Variants in IPO9 observed in about 807,000 individuals in gnomAD.
IPO9 encodes importin-9.
In IPO9, 28 loss-of-function variants were observed where a neutral mutation model predicts 128.6. That is an observed-to-expected ratio of 0.22 (90% CI 0.16 to 0.30). The LOEUF is 0.30. Among genes scored for constraint, IPO9 ranks in the 10% least tolerant of loss-of-function variants. The pLI, the probability that IPO9 is intolerant of heterozygous loss-of-function variation, is 1.00. For synonymous variants in IPO9, 455 were observed against 475.8 expected, an observed-to-expected ratio of 0.96 and a Z score of 0.57; for missense variants, 935 against 1,293.9, an observed-to-expected ratio of 0.72 and a Z score of 4.26.
chr1:201,844,823 A>G (rs16849387), intron 1 of IPO9, among the ~76,000 whole-genome samples: 32,025 of 152,162 alleles, frequency 0.21, 3,508 homozygotes, highest in South Asian at 0.26. Context: ...CTATTTCAGT[A>G]GAATCCAATT....
Position 201,852,205 on chromosome 1 carries a change from A to G in IPO9, c.603+13A>G. ...CACCATGGCTGAGGTATGAAATCTC[A>G]GCTCCAAGATTATAGTGAGTTCAGG... On this transcript the variant is annotated intron_variant, in intron 5 of 23. Transcript: ENST00000361565. 1.9e-6 allele frequency: 3 copies of G among 1,556,556 alleles called. No homozygotes were observed. Among genetic ancestry groups the G allele is most frequent in the Non-Finnish European group, 2.7e-6 (3 of 1,128,224 alleles).
intron 1 of IPO9, among the ~76,000 whole-genome samples, chr1:201,838,975 A>G (rs1679988315): frequency 6.7e-6 from 1 of 150,268 alleles, no homozygotes; most frequent in South Asian, 2.1e-4. Context: ...GCTGGAGTGC[A>G]GTGGCATGAT....
intron 8 of IPO9, 68 bp from the exon 9 acceptor site, chr1:201,855,056 T>G: frequency 1.5e-6 from 2 of 1,300,186 alleles, no homozygotes; most frequent in South Asian, 2.5e-5. Context: ...TGTTGGAATA[T>G]GTAACATTTC....
At chr1:201,856,168 A>G (rs1164318789) in intron 10 of IPO9, among the ~76,000 whole-genome samples, 5 of 129,920 alleles carry the variant, frequency 3.8e-5, no homozygotes. Flanking sequence ...GTACTATACT[A>G]TGTTGCCCAG....
chr1:201,869,848 A>T, intron 17 of IPO9, 130 bp downstream of exon 17: 1 of 1,185,504 alleles, frequency 8.4e-7, no homozygotes, highest in East Asian at 2.6e-5. Context: ...TACTTAGCAG[A>T]TTCAGGAAGG....
chr1:201,834,636 A>G (rs1679892709), intron 1 of IPO9, among the ~76,000 whole-genome samples: 1 of 152,178 alleles, frequency 6.6e-6, no homozygotes, highest in Admixed American at 6.5e-5. Flanking sequence ...TTTCTTACAT[A>G]ACTAGATTTA....
chr1:201,844,231 T>G (rs1680089145), intron 1 of IPO9, among the ~76,000 whole-genome samples: 1 of 152,192 alleles, frequency 6.6e-6, no homozygotes, highest in African/African-American at 2.4e-5. Flanking sequence ...AATAAAATTT[T>G]TATCAACATT....
intron 1 of IPO9, among the ~76,000 whole-genome samples, chr1:201,840,278 C>T (rs1037612019): frequency 6.6e-6 from 1 of 152,138 alleles, no homozygotes; most frequent in Non-Finnish European, 1.5e-5. Context: ...ACCATGTTGC[C>T]CAAGCTGGCC....
chr1:201,874,351 A>C lies in IPO9; in HGVS notation c.2812A>C (p.Thr938Pro). 1 of 1,613,722 alleles carries C rather than the reference A, an allele frequency of 6.2e-7. No homozygotes were observed. Among genetic ancestry groups the C allele is most frequent in the Non-Finnish European group, 8.5e-7 (1 of 1,179,874 alleles). Residue 938 changes from threonine to proline, a missense_variant, in exon 21 of 24, where the codon ACT (threonine) becomes CCT (proline). Thr to Pro is a conservative substitution (Grantham distance 38). Coordinates refer to ENST00000361565, the MANE Select transcript of IPO9 (RefSeq NM_018085.5). The part of the protein sequence containing the change: ...VMEANAARQA[T>P]PAEWSQDDSN... ...GGAGGCTAATGCCGCTCGCCAGGCC[A>C]CTCCTGCAGAGTGGAGTCAAGGTGC...
chr1:201,856,129 C>CT (rs35980892), intron 10 of IPO9, among the ~76,000 whole-genome samples, 195 bp downstream of exon 10: 29,594 of 123,054 alleles, frequency 0.24, 3,851 homozygotes, highest in African/African-American at 0.32. Flanking sequence ...CCATACCTGG[C>CT]TTTTTTTTTT....
rs1365830538 is a variant in IPO9, at chr1:201,866,737, T to A, written c.1633T>A (p.Cys545Ser). Reference sequence around the variant, plus strand: ...TGCTTATCTATCTCTCTCTAGTTATTGTGACCAACTGAAAGTCTCAGAGAG... The same window carrying A: ...TGCTTATCTATCTCTCTCTAGTTATAGTGACCAACTGAAAGTCTCAGAGAG... Reference protein sequence around the residue: ...ISAVRAIWGYCDQLKVSESTH... With the variant: ...ISAVRAIWGYSDQLKVSESTH... Residue 545 changes from cysteine to serine, a missense_variant, in exon 15 of 24, where the codon TGT becomes AGT. By Grantham distance (112) the Cys-to-Ser change is moderately radical (BLOSUM62 -1). Transcript: ENST00000361565. 3 of 1,612,720 alleles carry A rather than the reference T, an allele frequency of 1.9e-6. No homozygotes were observed. Among genetic ancestry groups the A allele is most frequent in the Non-Finnish European group, 1.7e-6 (2 of 1,178,712 alleles).
intron 1 of IPO9, among the ~76,000 whole-genome samples, chr1:201,839,833 A>T (rs969901940): frequency 1.3e-5 from 2 of 152,134 alleles, no homozygotes; most frequent in African/African-American, 2.4e-5. Flanking sequence ...ATTTTTTTAC[A>T]ATTTACATGG....
rs1218184669 is a variant in IPO9 at position 201,863,545 on chromosome 1, T to C, written c.1566T>C (p.Val522=). Reference sequence around the variant, plus strand: ...TCCAGCAGTTCCTACAGGCAACAGTTAGTGGTCTTCACGAGACACAGCCCC... The same window carrying C: ...TCCAGCAGTTCCTACAGGCAACAGTCAGTGGTCTTCACGAGACACAGCCCC... The part of the protein sequence containing the change: ...ELIQQFLQAT[V]SGLHETQPPS... The change falls in exon 14 of 24, where the codon GTT becomes GTC. Residue 522 remains valine, a synonymous_variant. Transcript: ENST00000361565. The C allele has an allele frequency of 1.9e-6, 3 of 1,607,242 alleles. No homozygotes were observed. The highest frequency in any genetic ancestry group is 2.6e-6 in the Non-Finnish European group (3 of 1,174,334).
At chr1:201,843,845 A>T (rs1458772874) in intron 1 of IPO9, among the ~76,000 whole-genome samples, 1 of 149,668 alleles carries the variant, frequency 6.7e-6, no homozygotes, top group Non-Finnish European at 1.5e-5. Flanking sequence ...AAAAAAAAAA[A>T]GATATTCTTA....
chr1:201,855,854 A>G lies in IPO9; in HGVS notation c.1042A>G (p.Lys348Glu), dbSNP rs1159803737. ...EFVHALLENS[K>E]FKSTVKKALP... ...TGTCCATGCTCTACTAGAAAATAGCAAATTCAAAAGCACTGTTAAGAAAGC... is the reference window on the plus strand; with the variant it reads ...TGTCCATGCTCTACTAGAAAATAGCGAATTCAAAAGCACTGTTAAGAAAGC... The change falls in exon 10 of 24, where the codon AAA becomes GAA. Residue 348 changes from lysine to glutamate, a missense_variant. Transcript: ENST00000361565. 1 of 1,612,560 alleles carries G rather than the reference A, an allele frequency of 6.2e-7. No individual in the cohort carries two copies. The highest frequency in any genetic ancestry group is 1.1e-5 in the South Asian group (1 of 90,598).
chr1:201,849,038 A>C (rs535634752), intron 4 of IPO9, among the ~76,000 whole-genome samples: 46 of 152,214 alleles, frequency 3.0e-4, no homozygotes, highest in African/African-American at 1.1e-3. Flanking sequence ...TATCATTATT[A>C]CTATATATTA....
chr1:201,851,539 G>A (rs1436119035), intron 4 of IPO9, among the ~76,000 whole-genome samples: 2 of 151,726 alleles, frequency 1.3e-5, no homozygotes, highest in Non-Finnish European at 2.9e-5. Context: ...CTGTGTATAG[G>A]TTGCTTTTTG....
chr1:201,861,694 G>A (rs920250507), intron 13 of IPO9, among the ~76,000 whole-genome samples: 4 of 152,214 alleles, frequency 2.6e-5, no homozygotes, highest in African/African-American at 9.6e-5. Flanking sequence ...CCGTCAACAA[G>A]ATGTTTATTG....
intron 1 of IPO9, among the ~76,000 whole-genome samples, chr1:201,835,850 T>G (rs1679909575): frequency 6.6e-6 from 1 of 152,094 alleles, no homozygotes; most frequent in Non-Finnish European, 1.5e-5. Flanking sequence ...TGTGGCTCAC[T>G]CCTGTAATCC....
Sources: gnomAD v4.1 joint callset for allele counts (sites outside exome capture counted in the v4.1 genomes callset) on GRCh38, gnomAD v4.1.1 for gene constraint, MANE v1.5 for transcripts, NCBI Gene and HGNC (gene_info 2026-07-23, HGNC 2026-07-21) for gene names.